The following LMO1 variants were observed in gnomAD, a reference collection of about 807,000 sequenced individuals.
LMO1 encodes the protein LIM domain only 1, also known as rhombotin-1.
Under a neutral mutation model 18.0 loss-of-function variants are expected in LMO1, and 10 were observed. The observed-to-expected ratio is 0.55, with a 90% CI of 0.34 to 0.94. The LOEUF (loss-of-function observed/expected upper bound fraction) is 0.94, where lower values mean the gene tolerates loss of function less well. Among genes scored for constraint, LMO1 ranks in the 40% least tolerant of loss-of-function variants. The pLI is 0.02. For synonymous variants in LMO1, 77 were observed against 77.9 expected, an observed-to-expected ratio of 0.99 and a Z score of 0.06; for missense variants, 183 against 205.7, an observed-to-expected ratio of 0.89 and a Z score of 0.68.
chr11:8,236,797 C>T (rs1239936845), intron 1 of LMO1, among the ~76,000 whole-genome samples: 1 of 152,210 alleles, frequency 6.6e-6, no homozygotes, highest in Non-Finnish European at 1.5e-5. Context: ...CGCTGGCATA[C>T]AGTAGGTGCT....
At chr11:8,268,407 A>ACCGGGCG (rs1847282914), upstream of LMO1, 1 of 1,467,318 alleles carries the variant, frequency 6.8e-7, no homozygotes, top group Admixed American at 2.4e-5. Context: ...GGGCACCGGC[A>ACCGGGCG]CCGGGCGCCG....
At chr11:8,234,148 C>T (rs972520972) in intron 1 of LMO1, among the ~76,000 whole-genome samples, 1 of 152,174 alleles carries the variant, frequency 6.6e-6, no homozygotes, top group Non-Finnish European at 1.5e-5. Flanking sequence ...ACAGGCTGAA[C>T]TCCAACCCCT....
At chr11:8,239,091 A>C (rs1952810260) in intron 1 of LMO1, among the ~76,000 whole-genome samples, 1 of 152,212 alleles carries the variant, frequency 6.6e-6, no homozygotes, top group African/African-American at 2.4e-5. Context: ...CAGGTCATGC[A>C]AAGTCATGCA....
At chr11:8,251,989 TGTGC>T (rs1238500321) in intron 1 of LMO1, among the ~76,000 whole-genome samples, 13 of 113,396 alleles carry the variant, frequency 1.1e-4, no homozygotes, top group Non-Finnish European at 2.2e-4. Flanking sequence ...TGTGTGGGGG[TGTGC>T]GTGTGTGTGT....
At position 8,253,772 on chromosome 11, in the gene LMO1, A is replaced by G. The variant is rs1055661527; in HGVS notation, c.25+9566T>C. On this transcript the variant is annotated intron_variant, in intron 1 of 3. Transcript: ENST00000335790. ...CCGTGCCAACCAGCAAAGTTGAATT[A>G]TTAAAACTCCTTTCTGGGGTACCCC... Among the ~76,000 whole-genome samples the G allele has an allele frequency of 6.6e-5, 10 of 152,220 alleles. No individual in the cohort carries two copies. In the South Asian group the frequency reaches 1.7e-3, roughly 25 times the overall value.
chr11:8,249,586 T>C (rs1565184670), intron 1 of LMO1, among the ~76,000 whole-genome samples: 2 of 152,194 alleles, frequency 1.3e-5, no homozygotes. Flanking sequence ...AGTATGCCCA[T>C]GTAACATGTA....
chr11:8,263,593 A>G lies in LMO1; in HGVS notation c.-231T>C. 7.3e-7 allele frequency: 1 copy of G among 1,371,226 alleles called. No homozygotes were observed. The allele number at this position is 1,371,226 out of a possible 1,614,324, so 84.9% of individuals were successfully genotyped here. Reference sequence around the variant, plus strand: ...TTGTGCCTCAGAATTGGAAGGAACTACGAACTGCAATTTAGAGAGAGAGGG... The same window carrying G: ...TTGTGCCTCAGAATTGGAAGGAACTGCGAACTGCAATTTAGAGAGAGAGGG... On this transcript the variant is annotated 5_prime_UTR_variant, in exon 1 of 4. Transcript: ENST00000335790.
intron 1 of LMO1, among the ~76,000 whole-genome samples, chr11:8,245,293 T>G (rs1194816050): frequency 6.6e-6 from 1 of 152,176 alleles, no homozygotes; most frequent in African/African-American, 2.4e-5. Flanking sequence ...GGCCAGGGAC[T>G]TGGACTCTGG....
chr11:8,235,676 A>C (rs890349152), intron 1 of LMO1, among the ~76,000 whole-genome samples: 1 of 152,218 alleles, frequency 6.6e-6, no homozygotes, highest in Non-Finnish European at 1.5e-5. Context: ...ATTTTTGAAG[A>C]GTACAGGCCA....
rs750432809 is a variant in LMO1 at position 8,263,401 on chromosome 11, G to T, written c.-39C>A. On this transcript the variant is annotated 5_prime_UTR_variant, in exon 1 of 4. Coordinates refer to ENST00000335790, the MANE Select transcript of LMO1 (RefSeq NM_002315.3). ...TGTCCAGCCGCAGCTAGGCTCGGCC[G>T]GGAGAAGGGCGCCGACTCGGGGCGC... 2 of 1,596,130 alleles carry T rather than the reference G, an allele frequency of 1.3e-6. No individual in the cohort carries two copies. The highest frequency in any genetic ancestry group is 1.7e-6 in the Non-Finnish European group (2 of 1,175,482).
chr11:8,236,777 C>A (rs897567375), intron 1 of LMO1, among the ~76,000 whole-genome samples: 3 of 152,166 alleles, frequency 2.0e-5, no homozygotes, highest in Non-Finnish European at 4.4e-5. Context: ...TATTTCAGTA[C>A]CCAGCACAGC....
intron 1 of LMO1, among the ~76,000 whole-genome samples, chr11:8,236,285 G>A (rs1303224818): frequency 4.6e-5 from 7 of 151,438 alleles, no homozygotes; most frequent in Non-Finnish European, 7.4e-5. Flanking sequence ...TCAACCTCCC[G>A]GCTTAAGCGA....
At chr11:8,241,917 A>T (rs186881122) in intron 1 of LMO1, among the ~76,000 whole-genome samples, 2 of 152,164 alleles carry the variant, frequency 1.3e-5, no homozygotes, top group Non-Finnish European at 2.9e-5. Context: ...GCCCCACAGC[A>T]GTCATTGTTT....
intron 3 of LMO1, 150 bp downstream of exon 3, chr11:8,226,816 ACACATAAAG>A: frequency 7.4e-7 from 1 of 1,350,736 alleles, no homozygotes; most frequent in East Asian, 2.6e-5. Context: ...CACACATAAA[ACACATAAAG>A]CACATGCACG....
chr11:8,268,591 A>G (rs985014570), upstream of LMO1: 2 of 533,562 alleles, frequency 3.7e-6, no homozygotes, highest in East Asian at 7.8e-5. Context: ...ACGGGGGCAG[A>G]CGGACCGGAG....
At chr11:8,228,195 C>T (rs4758053) in intron 2 of LMO1, among the ~76,000 whole-genome samples, 35,981 of 152,222 alleles carry the variant, frequency 0.24, 6,808 homozygotes, top group African/African-American at 0.53. Context: ...TAGCTGCTGG[C>T]TGTAAAGCTC....
At chr11:8,260,799 T>C (rs780368230) in intron 1 of LMO1, among the ~76,000 whole-genome samples, 5 of 151,968 alleles carry the variant, frequency 3.3e-5, no homozygotes, top group African/African-American at 9.7e-5. Flanking sequence ...AGAAAAGGCG[T>C]TGGGGGTGGT....
At chr11:8,238,437 T>C (rs1590538198) in intron 1 of LMO1, among the ~76,000 whole-genome samples, 1 of 152,158 alleles carries the variant, frequency 6.6e-6, no homozygotes, top group Non-Finnish European at 1.5e-5. Flanking sequence ...TTTGGGAGGC[T>C]GAGGTAGGCG....
rs34544683 is a variant in LMO1, at chr11:8,224,779, G to C, written c.366-58C>G. 2.3e-3 allele frequency: 2,687 copies of C among 1,153,072 alleles called. 10 individuals are homozygous for C. Among genetic ancestry groups the C allele is most frequent in the Non-Finnish European group, 2.9e-3 (2,315 of 787,888 alleles). The allele number at this position is 1,153,072 out of a possible 1,614,324, so 71.4% of individuals were successfully genotyped here. On this transcript the variant is annotated intron_variant, in intron 3 of 3. Transcript: ENST00000335790. ...GGAAGGTCCCAGTGGGTAAGGGGGG[G>C]GCTGCAGACAGAAGCCGGCCTGGCC...
Sources: allele counts gnomAD v4.1 joint callset (sites outside exome capture counted in the v4.1 genomes callset), GRCh38; gene constraint gnomAD v4.1.1; transcripts MANE v1.5; gene names NCBI Gene and HGNC (gene_info 2026-07-23, HGNC 2026-07-21).